PAPSS2: variants seen among roughly 807,000 people sequenced by gnomAD.
PAPSS2 encodes 3'-phosphoadenosine 5'-phosphosulfate synthase 2, also known as bifunctional 3'-phosphoadenosine 5'-phosphosulfate synthase 2.
Under a neutral mutation model 66.5 loss-of-function variants are expected in PAPSS2, and 61 were observed. The ratio of observed to expected loss-of-function variants is 0.92; its 90% confidence interval spans 0.75 to 1.14. The LOEUF is 1.14. Ranked by LOEUF, PAPSS2 falls within the 50% of genes most tolerant of loss-of-function variation. PAPSS2 has a pLI of 0.00. For missense variants in PAPSS2, 708 were observed against 789.6 expected, an observed-to-expected ratio of 0.90 and a Z score of 1.24; for synonymous variants, 289 against 287.5, an observed-to-expected ratio of 1.01 and a Z score of -0.05.
At chr10:87,734,685 A>ATG (rs1853774324) in intron 9 of PAPSS2, among the ~76,000 whole-genome samples, 1 of 125,216 alleles carries the variant, frequency 8.0e-6, no homozygotes, top group South Asian at 2.5e-4. Context: ...ATATATATAT[A>ATG]TATATATATA....
chr10:87,664,068 G>A lies in PAPSS2; in HGVS notation c.27+4060G>A, dbSNP rs574644269. ...ACTACAGGTGCACACCATCATGCCT[G>A]GCTAACTTTTAAAGTTTTTGTTGTT... On this transcript the variant is annotated intron_variant, in intron 1 of 12. Coordinates refer to ENST00000456849, the MANE Select transcript of PAPSS2 (RefSeq NM_001015880.2). Among the ~76,000 whole-genome samples the A allele has an allele frequency of 3.9e-5, 6 of 152,162 alleles. No individual in the cohort carries two copies. The East Asian group carries it at 1.2e-3, about 29-fold the overall frequency.
intron 7 of PAPSS2, among the ~76,000 whole-genome samples, chr10:87,721,323 G>A (rs1853597192): frequency 6.6e-6 from 1 of 152,054 alleles, no homozygotes; most frequent in Admixed American, 6.6e-5. Context: ...GATGTTCTAG[G>A]GCAGTTTGCT....
Position 87,713,130 on chromosome 10 carries a change from C to T in PAPSS2, c.201C>T (p.Val67=). 1 of 1,613,568 alleles carries T rather than the reference C, an allele frequency of 6.2e-7. No homozygotes were observed. The highest frequency in any genetic ancestry group is 1.1e-5 in the South Asian group (1 of 91,072). Residue 67 remains valine, a synonymous_variant, in exon 3 of 13, where the codon GTC becomes GTT. Transcript: ENST00000456849. The part of the protein sequence containing the change: ...TISFALEEYL[V]SHAIPCYSLD... ...GTTTTGCCCTGGAGGAGTACCTTGT[C>T]TCCCATGCCATCCCTTGTTACTCCC...
intron 1 of PAPSS2, among the ~76,000 whole-genome samples, chr10:87,690,231 C>T (rs1450870110): frequency 1.3e-5 from 2 of 152,176 alleles, no homozygotes; most frequent in Non-Finnish European, 2.9e-5. Flanking sequence ...TATATTCATA[C>T]ACCGGAACAT....
intron 1 of PAPSS2, among the ~76,000 whole-genome samples, chr10:87,670,526 A>G (rs966434839): frequency 1.3e-5 from 2 of 152,098 alleles, no homozygotes; most frequent in South Asian, 2.1e-4. Context: ...GATAGGTACT[A>G]GGAAGGTTCA....
chr10:87,667,812 A>G (rs1852832214), intron 1 of PAPSS2, among the ~76,000 whole-genome samples: 1 of 152,254 alleles, frequency 6.6e-6, no homozygotes, highest in Non-Finnish European at 1.5e-5. Context: ...TAAATATATT[A>G]TGTCAAATGC....
At chr10:87,706,278 G>A (rs1227119008) in intron 1 of PAPSS2, among the ~76,000 whole-genome samples, 3 of 150,960 alleles carry the variant, frequency 2.0e-5, no homozygotes, top group African/African-American at 7.3e-5. Context: ...CACTGGCACT[G>A]AGTAGGAGCT....
At chr10:87,726,120 C>A (rs969195047) in intron 8 of PAPSS2, among the ~76,000 whole-genome samples, 1 of 152,156 alleles carries the variant, frequency 6.6e-6, no homozygotes, top group African/African-American at 2.4e-5. Flanking sequence ...GATAGCACAA[C>A]AGGATGACTA....
At chr10:87,660,803 T>C (rs1852740582) in intron 1 of PAPSS2, among the ~76,000 whole-genome samples, 1 of 53,628 alleles carries the variant, frequency 1.9e-5, no homozygotes, top group Non-Finnish European at 3.2e-5. Context: ...CCCAATAAAC[T>C]GAAAAAAAAA....
At chr10:87,737,686 G>A (rs368566177) in intron 9 of PAPSS2, among the ~76,000 whole-genome samples, 1 of 152,138 alleles carries the variant, frequency 6.6e-6, no homozygotes, top group African/African-American at 2.4e-5. Flanking sequence ...TTAGCCAGGT[G>A]TGGTGGCATG....
intron 8 of PAPSS2, 32 bp from the exon 9 acceptor site, chr10:87,727,252 A>G: frequency 6.4e-7 from 1 of 1,569,742 alleles, no homozygotes; most frequent in South Asian, 1.1e-5. Flanking sequence ...CCTTATATCT[A>G]GTTTTCGTGC....
intron 10 of PAPSS2, among the ~76,000 whole-genome samples, 178 bp downstream of exon 10, chr10:87,741,548 C>A (rs548802450): frequency 6.6e-6 from 1 of 152,048 alleles, no homozygotes; most frequent in Non-Finnish European, 1.5e-5. Flanking sequence ...GTGCCCACCA[C>A]TACGCCCAGC....
rs533364185 is a variant in PAPSS2, at chr10:87,712,520, C to T, written c.146-555C>T. On this transcript the variant is annotated intron_variant, in intron 2 of 12. Transcript: ENST00000456849. ...AGGTTGGAGTGTAGTGGTGCCATCACGGCTCACTGCATGCAGCCTTGACTT... is the reference window on the plus strand; with the variant it reads ...AGGTTGGAGTGTAGTGGTGCCATCATGGCTCACTGCATGCAGCCTTGACTT... Among the ~76,000 whole-genome samples, 5 of 152,302 alleles carry T rather than the reference C, an allele frequency of 3.3e-5. No homozygotes were observed. The East Asian group carries it at 5.8e-4, about 18-fold the overall frequency.
intron 9 of PAPSS2, 123 bp downstream of exon 9, chr10:87,727,612 TA>T: frequency 1.2e-6 from 1 of 851,228 alleles, no homozygotes; most frequent in Non-Finnish European, 1.9e-6. Flanking sequence ...AATGTATTTC[TA>T]AGGTAGTGTT....
chr10:87,669,843 G>T (rs538144616), intron 1 of PAPSS2, among the ~76,000 whole-genome samples: 1 of 152,204 alleles, frequency 6.6e-6, no homozygotes, highest in Non-Finnish European at 1.5e-5. Flanking sequence ...TAGCTTCTCT[G>T]TAGTTAATAA....
intron 7 of PAPSS2, among the ~76,000 whole-genome samples, chr10:87,718,423 G>A (rs1313066989): frequency 6.6e-6 from 1 of 152,174 alleles, no homozygotes; most frequent in Non-Finnish European, 1.5e-5. Context: ...TAATCCAGAT[G>A]TCTGTCCCCG....
intron 1 of PAPSS2, among the ~76,000 whole-genome samples, chr10:87,679,987 C>A (rs4934358): frequency 0.4 from 59,541 of 150,188 alleles, 12,464 homozygotes; most frequent in Non-Finnish European, 0.48. Context: ...CATGATCGTG[C>A]CACTGCGCTC....
intron 1 of PAPSS2, among the ~76,000 whole-genome samples, chr10:87,668,047 A>G (rs566244615): frequency 2.6e-5 from 4 of 152,322 alleles, no homozygotes; most frequent in East Asian, 1.9e-4. Flanking sequence ...AACTACCTGG[A>G]AGAAAATCCG....
At chr10:87,674,251 A>G (rs1003562869) in intron 1 of PAPSS2, among the ~76,000 whole-genome samples, 1 of 152,104 alleles carries the variant, frequency 6.6e-6, no homozygotes, top group Admixed American at 6.5e-5. Flanking sequence ...TGCAACCTCC[A>G]CCTCCTGTGT....
Sources: allele counts gnomAD v4.1 joint callset (sites outside exome capture counted in the v4.1 genomes callset), GRCh38; gene constraint gnomAD v4.1.1; transcripts MANE v1.5; gene names NCBI Gene and HGNC (gene_info 2026-07-23, HGNC 2026-07-21).